The following IL13RA1 variants were observed in gnomAD, a reference collection of about 807,000 sequenced individuals.
The protein encoded by IL13RA1 is interleukin-13 receptor subunit alpha-1.
IL13RA1 carries 14 observed loss-of-function variants against 33.8 expected under a neutral mutation model. That is an observed-to-expected ratio of 0.41 (90% confidence interval 0.27 to 0.65). The LOEUF (loss-of-function observed/expected upper bound fraction) is 0.65. Among genes scored for constraint, IL13RA1 ranks in the 30% least tolerant of loss-of-function variants. IL13RA1 has a pLI of 0.28. For synonymous variants in IL13RA1, 116 were observed against 115.7 expected, an observed-to-expected ratio of 1.00 and a Z score of -0.02; for missense variants, 313 against 327.0, an observed-to-expected ratio of 0.96 and a Z score of 0.33.
In IL13RA1 at chrX:118,758,145, G is replaced by A. The variant is rs1426616606; in HGVS notation, c.579G>A (p.Lys193=). Residue 193 remains lysine (K), a synonymous_variant, in exon 5 of 11, where the codon AAG becomes AAA. Coordinates refer to ENST00000371666, the MANE Select transcript of IL13RA1 (RefSeq NM_001560.3). ...GTTCCTTTGATCTGACCAAAGTGAA[G>A]GATTCCAGTTTTGAACAACACAGTG... The part of the protein sequence containing the change: ...FGCSFDLTKV[K]DSSFEQHSVQ... The A allele has an allele frequency of 5.2e-6, 6 of 1,147,830 alleles. No individual in the cohort carries two copies. Among genetic ancestry groups the A allele is most frequent in the South Asian group, 1.8e-5 (1 of 54,227 alleles). The allele number at this position is 1,147,830 out of a possible 1,213,427, so 94.6% of individuals were successfully genotyped here.
At chrX:118,778,848 T>C (rs932370365) in intron 10 of IL13RA1, among the ~76,000 whole-genome samples, 2 of 112,103 alleles carry the variant, frequency 1.8e-5, no homozygotes, top group Non-Finnish European at 3.8e-5. Flanking sequence ...GCTGTTGGTA[T>C]TATTTTACAG....
chrX:118,801,693 CTTAGCACAGTG>C, the IL13RA1 span, among the ~76,000 whole-genome samples: 9 of 112,465 alleles, frequency 8.0e-5, no homozygotes, highest in Non-Finnish European at 1.5e-4. Context: ...ATGTAAAATG[CTTAGCACAGTG>C]AACTTTAATA....
At chrX:118,779,613 A>G (rs1295347158) in intron 10 of IL13RA1, among the ~76,000 whole-genome samples, 1 of 111,834 alleles carries the variant, frequency 8.9e-6, no homozygotes, top group African/African-American at 3.2e-5. Flanking sequence ...AAATTTCCAG[A>G]TTGCCTATAG....
At chrX:118,756,545 C>T (rs1018140651) in intron 4 of IL13RA1, among the ~76,000 whole-genome samples, 4 of 111,116 alleles carry the variant, frequency 3.6e-5, no homozygotes, top group African/African-American at 1.3e-4. Flanking sequence ...TAATGAAGGT[C>T]AGGGAGGTCA....
chrX:118,776,437 A>G lies in IL13RA1; in HGVS notation c.1117A>G (p.Ile373Val). 3.2e-6 allele frequency: 3 copies of G among 947,511 alleles called. No individual in the cohort carries two copies. The highest frequency in any genetic ancestry group is 4.5e-6 in the Non-Finnish European group (3 of 659,883). 78.1% of individuals were successfully genotyped at this position (947,511 alleles called of 1,213,427 possible). A position where few individuals can be genotyped will look rare whatever the true frequency, so the allele number is the denominator to read the frequency against. ...LLLYLKRLKI[I>V]IFPPIPDPGK... ...TCTGTTTTCTTAAAGGCTCAAGATT[A>G]TTATATTCCCTCCAATTCCTGATCC... Residue 373 changes from isoleucine to valine, a missense_variant, in exon 10 of 11, where the codon ATT becomes GTT. By Grantham distance (29) the Ile-to-Val change is conservative (BLOSUM62 3). Transcript: ENST00000371666.
chrX:118,785,111 G>A (rs746049914), intron 10 of IL13RA1, among the ~76,000 whole-genome samples: 5 of 107,576 alleles, frequency 4.6e-5, no homozygotes, highest in Non-Finnish European at 9.7e-5. Context: ...CATCTTTTTT[G>A]TTTTGGCACA....
intron 10 of IL13RA1, among the ~76,000 whole-genome samples, chrX:118,777,560 G>A (rs1430914598): frequency 1.8e-5 from 2 of 111,527 alleles, no homozygotes; most frequent in Non-Finnish European, 3.8e-5. Context: ...CTGACTCTTG[G>A]ATAATTTAAA....
downstream of IL13RA1, among the ~76,000 whole-genome samples, chrX:118,795,227 A>AAG (rs1556376043): frequency 3.6e-4 from 34 of 95,002 alleles, 1 homozygote; most frequent in East Asian, 8.7e-3. Context: ...AAAAAAAAAA[A>AAG]AAAGAAAAAG....
At chrX:118,757,851 C>T (rs1216197392) in intron 4 of IL13RA1, among the ~76,000 whole-genome samples, 1 of 107,692 alleles carries the variant, frequency 9.3e-6, no homozygotes, top group Non-Finnish European at 1.9e-5. Context: ...CCACCACACC[C>T]GGCTAATTTT....
intron 1 of IL13RA1, among the ~76,000 whole-genome samples, chrX:118,736,564 G>C (rs908461922): frequency 5.4e-5 from 6 of 111,094 alleles, no homozygotes; most frequent in Non-Finnish European, 9.4e-5. Context: ...GAGCATGTGT[G>C]GTCACTTTCT....
chrX:118,800,653 T>C, the IL13RA1 span, among the ~76,000 whole-genome samples: 1 of 110,991 alleles, frequency 9.0e-6, no homozygotes, highest in Admixed American at 9.5e-5. Flanking sequence ...ACCCACCAAT[T>C]CGGGACAGTG....
At chrX:118,768,433 C>G (rs1470237230) in intron 8 of IL13RA1, among the ~76,000 whole-genome samples, 1 of 111,759 alleles carries the variant, frequency 8.9e-6, no homozygotes, top group Non-Finnish European at 1.9e-5. Flanking sequence ...ACAGAGCATC[C>G]ATTTCCAAGT....
chrX:118,773,430 G>T (rs2017747168), intron 8 of IL13RA1, among the ~76,000 whole-genome samples: 2 of 112,083 alleles, frequency 1.8e-5, no homozygotes, highest in South Asian at 7.4e-4. Context: ...GGCGGAGGTT[G>T]CAGTGAGCCA....
At chrX:118,771,284 G>T (rs1251835660) in intron 8 of IL13RA1, among the ~76,000 whole-genome samples, 2 of 93,565 alleles carry the variant, frequency 2.1e-5, no homozygotes, top group African/African-American at 4.0e-5. Context: ...TGCCACTACA[G>T]TACAGTGGTT....
At chrX:118,738,926 T>TA (rs1260698130) in intron 1 of IL13RA1, among the ~76,000 whole-genome samples, 1 of 109,263 alleles carries the variant, frequency 9.2e-6, no homozygotes, top group African/African-American at 3.3e-5. Context: ...TTTCTGGTAT[T>TA]ACAGTTGTAC....
rs747651648 is a variant in IL13RA1 at position 118,761,289 on chromosome X, C to T, written c.828C>T (p.Tyr276=). ...AAACTGAGACACATAATGTTTTCTA[C>T]GTAAGGTTTTAAAATTATTGTTTTT... ...NSQTETHNVF[Y]VQEAKCENPE... The change falls in exon 6 of 11, where the codon TAC becomes TAT. Residue 276 remains tyrosine, a splice_region_variant and synonymous_variant. Coordinates refer to ENST00000371666, the MANE Select transcript of IL13RA1 (RefSeq NM_001560.3). 8 of 956,409 alleles carry T rather than the reference C, an allele frequency of 8.4e-6. No individual in the cohort carries two copies. Among genetic ancestry groups the T allele is most frequent in the Middle Eastern group, 2.9e-4 (1 of 3,419 alleles). The allele number at this position is 956,409 out of a possible 1,213,427, so 78.8% of individuals were successfully genotyped here. A position where few individuals can be genotyped will look rare whatever the true frequency, so the allele number is the denominator to read the frequency against.
At chrX:118,800,574 C>T in the IL13RA1 span, among the ~76,000 whole-genome samples, 4 of 110,907 alleles carry the variant, frequency 3.6e-5, no homozygotes, top group East Asian at 1.1e-3. Flanking sequence ...TCCAGACGCG[C>T]CACCTTAAGA....
Position 118,778,326 on chromosome X carries a change from C to A in IL13RA1, c.1191+1815C>A, listed in dbSNP as rs1169912994. On this transcript the variant is annotated intron_variant, in intron 10 of 10. Coordinates refer to ENST00000371666, the MANE Select transcript of IL13RA1 (RefSeq NM_001560.3). ...AGGATTCATTTGGATCACTTTTTAA[C>A]CAGGTCATCTTCACAGACAGTAGAT... 4.5e-5 allele frequency among the ~76,000 whole-genome samples: 5 copies of A among 111,521 alleles called. No homozygotes were observed. In the East Asian group the frequency reaches 1.4e-3, roughly 31 times the overall value.
At chrX:118,748,743 T>C (rs2017438634) in intron 3 of IL13RA1, among the ~76,000 whole-genome samples, 1 of 111,682 alleles carries the variant, frequency 9.0e-6, no homozygotes. Flanking sequence ...ATTTACATTT[T>C]AAACAGAGGT....
Sources: gnomAD v4.1 joint callset for allele counts (sites outside exome capture counted in the v4.1 genomes callset) on GRCh38, gnomAD v4.1.1 for gene constraint, MANE v1.5 for transcripts, NCBI Gene and HGNC (gene_info 2026-07-23, HGNC 2026-07-21) for gene names.